The following WSCD1 variants were observed in gnomAD, a reference collection of about 807,000 sequenced individuals.
WSCD1 encodes WSC domain sialate O sulfotransferase 1, also known as sialate:O-sulfotransferase 1.
A neutral mutation model predicts 60.4 loss-of-function variants in WSCD1; 41 were observed. The observed-to-expected ratio is 0.68, with a 90% CI of 0.53 to 0.88. WSCD1 has a LOEUF of 0.88. WSCD1 is among the 40% of genes least tolerant of loss of function. WSCD1 has a pLI of 0.00. For synonymous variants in WSCD1, 361 were observed against 332.5 expected (o/e 1.09, Z -0.93); for missense variants, 784 against 796.2 (o/e 0.98, Z 0.18).
intron 1 of WSCD1, among the ~76,000 whole-genome samples, chr17:6,071,797 GGAGGTTTCCTTGGGCTATGGGAGAAT>G (rs1468798011): frequency 6.6e-6 from 1 of 152,220 alleles, no homozygotes; most frequent in African/African-American, 2.4e-5. Context: ...GAGAGCTAGG[GGAGGTTTCCTTGGGCTATGGGAGAAT>G]GAGGTTTGTC....
intron 5 of WSCD1, among the ~76,000 whole-genome samples, chr17:6,097,717 A>G (rs1910534733): frequency 6.6e-6 from 1 of 152,136 alleles, no homozygotes; most frequent in African/African-American, 2.4e-5. Flanking sequence ...TTCCTTGGAG[A>G]TGCTGGGTCA....
chr17:6,096,191 G>A (rs1337930582), intron 5 of WSCD1, among the ~76,000 whole-genome samples: 3 of 152,314 alleles, frequency 2.0e-5, no homozygotes, highest in Non-Finnish European at 4.4e-5. Flanking sequence ...TTTTCCAGGT[G>A]AGGAAACTGA....
In WSCD1 at chr17:6,118,083, G is replaced by A; in HGVS notation, c.1270G>A (p.Ala424Thr). Residue 424 changes from alanine to threonine, a missense_variant, in exon 8 of 9, where the codon GCC (alanine) becomes ACC (threonine). Ala to Thr is a moderately conservative substitution (Grantham distance 58). Coordinates refer to ENST00000317744, the MANE Select transcript of WSCD1 (RefSeq NM_015253.2). The surrounding 1 kb of genome is among the most constrained non-coding windows in gnomAD (Gnocchi z 5.8). ...GAGGGAGATTGAGATGTTTGATTCA[G>A]CCATCCTGCTAATCCGGAACCCATA... ...GRREIEMFDS[A>T]ILLIRNPYRS... is the part of the protein sequence containing the mutation. 3.7e-6 allele frequency: 6 copies of A among 1,614,198 alleles called. No individual in the cohort carries two copies. Among genetic ancestry groups the A allele is most frequent in the Non-Finnish European group, 5.1e-6 (6 of 1,180,050 alleles).
intron 7 of WSCD1, 34 bp from the exon 8 acceptor site, chr17:6,117,954 T>G (rs1034074280): frequency 1.2e-6 from 2 of 1,610,242 alleles, no homozygotes; most frequent in Admixed American, 3.3e-5. Flanking sequence ...ATGGACACCA[T>G]CTTCCACAGA....
chr17:6,083,736 G>A (rs571844885), intron 2 of WSCD1, among the ~76,000 whole-genome samples: 36 of 152,206 alleles, frequency 2.4e-4, no homozygotes, highest in Non-Finnish European at 4.0e-4. Context: ...CCGAGATCGC[G>A]CCACTGCACT....
intron 2 of WSCD1, among the ~76,000 whole-genome samples, chr17:6,086,272 T>TAC (rs1411994936): frequency 7.0e-6 from 1 of 143,496 alleles, no homozygotes; most frequent in Non-Finnish European, 1.5e-5. Context: ...TATATATATA[T>TAC]ATACTTATGT....
intron 2 of WSCD1, among the ~76,000 whole-genome samples, chr17:6,083,098 C>T (rs1045001308): frequency 3.3e-5 from 5 of 152,140 alleles, no homozygotes; most frequent in Non-Finnish European, 7.3e-5. Context: ...GCAAACTCTC[C>T]GCAACACACC....
At position 6,089,029 on chromosome 17, in the gene WSCD1, G is replaced by A. The variant is rs191768399; in HGVS notation, c.542+925G>A. ...AATCTCCTGACCTCATGATCTGCCCGCCTCAGCCTCCCAAAGTACTGGGAT... is the reference window on the plus strand; with the variant it reads ...AATCTCCTGACCTCATGATCTGCCCACCTCAGCCTCCCAAAGTACTGGGAT... On this transcript the variant is annotated intron_variant, in intron 3 of 8. Coordinates refer to ENST00000317744, the MANE Select transcript of WSCD1 (RefSeq NM_015253.2). 6.6e-3 allele frequency among the ~76,000 whole-genome samples: 1,001 copies of A among 152,168 alleles called. 9 individuals are homozygous for A. The highest frequency in any genetic ancestry group is 9.9e-3 in the Non-Finnish European group (670 of 68,000).
chr17:6,114,170 A>AG (rs1911571050), intron 7 of WSCD1, among the ~76,000 whole-genome samples: 1 of 151,846 alleles, frequency 6.6e-6, no homozygotes, highest in East Asian at 1.9e-4. Context: ...AAAAAAAAAA[A>AG]AAGAATTAAA....
chr17:6,114,763 T>G (rs1444856725), intron 7 of WSCD1, among the ~76,000 whole-genome samples: 1 of 152,070 alleles, frequency 6.6e-6, no homozygotes, highest in Non-Finnish European at 1.5e-5. Flanking sequence ...CAAGGTGGTT[T>G]GCTGCACCTA....
At position 6,110,976 on chromosome 17, in the gene WSCD1, G is replaced by C. The variant is rs2150566285; in HGVS notation, c.1174+41G>C. On this transcript the variant is annotated intron_variant, in intron 7 of 8. Coordinates refer to ENST00000317744, the MANE Select transcript of WSCD1 (RefSeq NM_015253.2). The surrounding 1 kb of genome is among the most constrained non-coding windows in gnomAD (Gnocchi z 4.8). The stretch of plus-strand genomic sequence containing the variant: ...AGGGGACGATGGAAGGCAGCTCCCG[G>C]TGACCAAACTGTCACCTTGCCAGCC... The C allele has an allele frequency of 6.4e-7, 1 of 1,554,044 alleles. No homozygotes were observed. Among genetic ancestry groups the C allele is most frequent in the African/African-American group, 1.4e-5 (1 of 73,360 alleles).
rs1279876549 is a variant in WSCD1, at chr17:6,101,269, A to G, written c.849+6046A>G. Among the ~76,000 whole-genome samples the G allele has an allele frequency of 3.3e-5, 5 of 152,204 alleles. No homozygotes were observed. The highest frequency in any genetic ancestry group is 1.9e-4 in the East Asian group (1 of 5,184). ...TTATGCCACGGCCATACAGTGGACT[A>G]TAATACAACCATTGAAAATGTTTTC... On this transcript the variant is annotated intron_variant, in intron 5 of 8. Coordinates refer to ENST00000317744, the MANE Select transcript of WSCD1 (RefSeq NM_015253.2). The surrounding 1 kb of genome is among the most constrained non-coding windows in gnomAD (Gnocchi z 4.1).
intron 7 of WSCD1, among the ~76,000 whole-genome samples, chr17:6,114,568 G>T (rs1401389433): frequency 6.6e-6 from 1 of 151,962 alleles, no homozygotes; most frequent in East Asian, 1.9e-4. Context: ...ACTTTGATTT[G>T]ATTATTAAAC....
At chr17:6,097,194 A>AAGGGGGAAGAGACGGAGAAGATG (rs1415397279) in intron 5 of WSCD1, among the ~76,000 whole-genome samples, 2 of 152,226 alleles carry the variant, frequency 1.3e-5, no homozygotes, top group African/African-American at 4.8e-5. Flanking sequence ...GGCGTTATGG[A>AAGGGGGAAGAGACGGAGAAGATG]AGGGGGAAGA....
chr17:6,084,414 A>C (rs1187222235), intron 2 of WSCD1, among the ~76,000 whole-genome samples: 1 of 152,236 alleles, frequency 6.6e-6, no homozygotes, highest in Admixed American at 6.5e-5. Flanking sequence ...GGTGGAGAGT[A>C]GCCTGCAGCC....
chr17:6,097,952 CTTT>C (rs796614298), intron 5 of WSCD1, among the ~76,000 whole-genome samples: 5 of 117,838 alleles, frequency 4.2e-5, no homozygotes, highest in African/African-American at 4.1e-5. Context: ...AGAGTTCTTT[CTTT>C]TTTTTTTTTT....
intron 1 of WSCD1, chr17:6,071,065 C>T (rs553232139): frequency 2.0e-5 from 3 of 152,306 alleles, no homozygotes; most frequent in African/African-American, 7.2e-5. Flanking sequence ...CGACGTTTAC[C>T]CAGAAGCAGC....
chr17:6,111,664 G>A (rs1359862820), intron 7 of WSCD1, among the ~76,000 whole-genome samples: 4 of 134,902 alleles, frequency 3.0e-5, no homozygotes, highest in African/African-American at 1.1e-4. Flanking sequence ...TTATGCCACC[G>A]CACTCCAGCC....
rs771167454 is a variant in WSCD1 at position 6,120,712 on chromosome 17, GGGCTGCGCT to G, written c.*52_*60del. 3.8e-5 allele frequency: 58 copies of G among 1,545,760 alleles called. No individual in the cohort carries two copies. The highest frequency in any genetic ancestry group is 4.9e-5 in the Non-Finnish European group (56 of 1,141,236). On this transcript the variant is annotated 3_prime_UTR_variant, in exon 9 of 9. Transcript: ENST00000317744. Reference sequence around the variant, plus strand: ...CGCTGAGTGACGCAATCGCACCACGGGGCTGCGCTCCCCACTCTGATGCTCAGGCCCGTG... The same window carrying G: ...CGCTGAGTGACGCAATCGCACCACGGCCCCACTCTGATGCTCAGGCCCGTG...
Sources: allele counts gnomAD v4.1 joint callset (sites outside exome capture counted in the v4.1 genomes callset), GRCh38; gene constraint gnomAD v4.1.1; non-coding constraint Gnocchi (gnomAD v3.1); transcripts MANE v1.5; gene names NCBI Gene and HGNC (gene_info 2026-07-23, HGNC 2026-07-21).